Variants in BAHCC1 observed in about 807,000 individuals in gnomAD.
The protein encoded by BAHCC1 is BAH domain and coiled-coil containing 1, also known as BAH and coiled-coil domain-containing protein 1.
BAHCC1 carries 43 observed loss-of-function variants against 88.2 expected under a neutral mutation model. The ratio of observed to expected loss-of-function variants is 0.49; its 90% confidence interval spans 0.38 to 0.63. BAHCC1 has a LOEUF of 0.63. Ranked by LOEUF, BAHCC1 falls within the 20% of genes least tolerant of loss-of-function variation. The probability of loss-of-function intolerance (pLI) is 0.00; values close to 1 mark genes in which losing one functional copy is unlikely to be tolerated. For missense variants in BAHCC1, 3,023 were observed against 1,654.8 expected (o/e 1.83, Z -14.34); for synonymous variants, 1,510 against 745.5 (o/e 2.03, Z -16.71).
At chr17:81,416,570 CGT>C (rs36169187) in intron 2 of BAHCC1, among the ~76,000 whole-genome samples, 99,473 of 133,502 alleles carry the variant, frequency 0.75, 35,219 homozygotes, top group East Asian at 0.88. Flanking sequence ...GGTGTATGTG[CGT>C]GTGTGTGTGT....
chr17:81,444,978 C>T (rs1555653913), intron 8 of BAHCC1, 37 bp from the exon 9 acceptor site: 1 of 711,290 alleles, frequency 1.4e-6, no homozygotes, highest in Admixed American at 2.1e-5. Context: ...CTGTCCCCTC[C>T]CCAGCCAGGC....
rs2063776813 is a variant in BAHCC1 at position 81,399,116 on chromosome 17, GGTGTGC to G, written c.-206-412_-206-407del. 1.9e-5 allele frequency: 4 copies of G among 213,420 alleles called. No homozygotes were observed. The highest frequency in any genetic ancestry group is 3.9e-5 in the Non-Finnish European group (4 of 101,776). The allele number at this position is 213,420 out of a possible 1,614,324, so 13.2% of individuals were successfully genotyped here. A position where few individuals can be genotyped will look rare whatever the true frequency, so the allele number is the denominator to read the frequency against. On this transcript the variant is annotated intron_variant, in intron 1 of 27. Transcript: ENST00000675386. This position sits in a 1 kb window ranked among gnomAD's most constrained non-coding sequence, Gnocchi z 4.5. ...CTTTGGGCAGCGGGGGAGGGGAGAG[GGTGTGC>G]GTGTGAGTGTGTGTGTGTGTGTGTG... is the stretch of plus-strand genomic sequence containing the variant.
In BAHCC1 at chr17:81,434,495, C is replaced by A. The variant is rs902574964; in HGVS notation, c.359-3875C>A. Among the ~76,000 whole-genome samples the A allele has an allele frequency of 2.6e-5, 4 of 152,120 alleles. No individual in the cohort carries two copies. The East Asian group carries it at 7.7e-4, about 29-fold the overall frequency. On this transcript the variant is annotated intron_variant, in intron 3 of 27. Coordinates refer to ENST00000675386, the MANE Select transcript of BAHCC1 (RefSeq NM_001377448.1). This position sits in a 1 kb window ranked among gnomAD's most constrained non-coding sequence, Gnocchi z 4.9. Reference sequence around the variant, plus strand: ...GCTGGGGCAGGGCGCTCGAGGTGTGCTTCAGCACCCCCAGAAGTTTGCTGA... The same window carrying A: ...GCTGGGGCAGGGCGCTCGAGGTGTGATTCAGCACCCCCAGAAGTTTGCTGA...
chr17:81,432,544 A>ACCAGGCCCACCCTCCCTCCCATCG (rs2064273036), intron 3 of BAHCC1, among the ~76,000 whole-genome samples: 3 of 13,622 alleles, frequency 2.2e-4, no homozygotes, highest in African/African-American at 5.5e-4. Context: ...CCCACCCATC[A>ACCAGGCCCACCCTCCCTCCCATCG]CCAGGCCCAC....
Position 81,399,132 on chromosome 17 carries a change from T to TGTGTGTGTGA in BAHCC1, c.-206-393_-206-392insAGTGTGTGTG, listed in dbSNP as rs782251829. ...AGGGGAGAGGGTGTGCGTGTGAGTGTGTGTGTGTGTGTGTGTGTGTGCGAG... is the reference window on the plus strand; with the variant it reads ...AGGGGAGAGGGTGTGCGTGTGAGTGTGTGTGTGTGAGTGTGTGTGTGTGTGTGTGTGCGAG... On this transcript the variant is annotated intron_variant, in intron 1 of 27. Transcript: ENST00000675386. The surrounding 1 kb of genome is among the most constrained non-coding windows in gnomAD (Gnocchi z 4.5). 8.1e-6 allele frequency: 2 copies of TGTGTGTGTGA among 247,178 alleles called. No individual in the cohort carries two copies. Among genetic ancestry groups the TGTGTGTGTGA allele is most frequent in the Admixed American group, 7.7e-5 (2 of 26,052 alleles). 15.3% of individuals were successfully genotyped at this position (247,178 alleles called of 1,614,324 possible). A position where few individuals can be genotyped will look rare whatever the true frequency, so the allele number is the denominator to read the frequency against.
intron 2 of BAHCC1, chr17:81,400,765 G>A (rs1204096545): frequency 2.6e-5 from 4 of 154,154 alleles, no homozygotes; most frequent in Non-Finnish European, 5.9e-5. Flanking sequence ...TGCCCGAGAG[G>A]ATCAGTCCTT....
chr17:81,459,071 C>T lies in BAHCC1; in HGVS notation c.5623C>T (p.His1875Tyr). The T allele has an allele frequency of 1.3e-6, 1 of 767,238 alleles. No homozygotes were observed. Among genetic ancestry groups the T allele is most frequent in the Non-Finnish European group, 2.4e-6 (1 of 412,748 alleles). 47.5% of individuals were successfully genotyped at this position (767,238 alleles called of 1,614,324 possible). Residue 1875 changes from histidine to tyrosine, a missense_variant, in exon 21 of 28, where the codon CAC becomes TAC. By Grantham distance (83) the His-to-Tyr change is moderately conservative. Transcript: ENST00000675386. ...SAALARSCAIHKEDLRDGLPV... is the reference protein window; with the variant it reads ...SAALARSCAIYKEDLRDGLPV... ...GCCCACAGCGCGCTCGTGTGCCATC[C>T]ACAAGGAGGACCTGCGGGACGGGCT...
intron 1 of BAHCC1, among the ~76,000 whole-genome samples, chr17:81,397,672 C>T (rs1279014856): frequency 2.0e-5 from 3 of 152,136 alleles, no homozygotes; most frequent in Non-Finnish European, 4.4e-5. Flanking sequence ...GCGCTCGCAG[C>T]CCCCTCGCCA....
At chr17:81,417,060 G>A (rs2064041577) in intron 2 of BAHCC1, among the ~76,000 whole-genome samples, 1 of 152,166 alleles carries the variant, frequency 6.6e-6, no homozygotes, top group South Asian at 2.1e-4. Context: ...CGGTTGAGAG[G>A]CCGGAGTGTA....
intron 2 of BAHCC1, chr17:81,402,475 C>T (rs1331960151): frequency 3.9e-5 from 6 of 152,168 alleles, no homozygotes; most frequent in African/African-American, 1.2e-4. Flanking sequence ...TTTTTTGCGT[C>T]TTGTGTGCGG....
intron 2 of BAHCC1, among the ~76,000 whole-genome samples, chr17:81,409,261 T>A (rs2063918311): frequency 6.6e-6 from 1 of 152,210 alleles, no homozygotes; most frequent in Non-Finnish European, 1.5e-5. Flanking sequence ...GCGCTACACC[T>A]TAAAGGGTGT....
intron 14 of BAHCC1, among the ~76,000 whole-genome samples, chr17:81,453,624 G>A (rs1568030276): frequency 6.6e-6 from 1 of 152,072 alleles, no homozygotes; most frequent in African/African-American, 2.4e-5. Flanking sequence ...CCCTGCCCAG[G>A]TGTCTCCTGG....
chr17:81,454,362 G>A (rs951526669), intron 14 of BAHCC1, among the ~76,000 whole-genome samples: 8 of 152,206 alleles, frequency 5.3e-5, no homozygotes, highest in Non-Finnish European at 1.0e-4. Context: ...TCTGGGGCAT[G>A]GGGAATACTG....
intron 2 of BAHCC1, among the ~76,000 whole-genome samples, chr17:81,404,589 A>G (rs1555646574): frequency 6.6e-6 from 1 of 152,238 alleles, no homozygotes; most frequent in East Asian, 1.9e-4. Context: ...CCATCCAGGA[A>G]GGCAGAAAAA....
intron 2 of BAHCC1, among the ~76,000 whole-genome samples, chr17:81,417,590 C>T (rs903989655): frequency 9.7e-6 from 1 of 103,488 alleles, no homozygotes; most frequent in Admixed American, 1.4e-4. Context: ...GCTAAATTTA[C>T]CCTTTTAATA....
chr17:81,431,071 G>A (rs1410683436), intron 3 of BAHCC1, among the ~76,000 whole-genome samples: 4 of 143,538 alleles, frequency 2.8e-5, no homozygotes, highest in Non-Finnish European at 4.6e-5. Flanking sequence ...GGGTGGAGGG[G>A]ACAGCGTGGG....
At chr17:81,438,348 A>G (rs782518990) in intron 3 of BAHCC1, 22 bp from the exon 4 acceptor site, 2 of 778,066 alleles carry the variant, frequency 2.6e-6, no homozygotes, top group South Asian at 2.7e-5. Context: ...TGCCTCTGCA[A>G]CTGGGTCTCT....
chr17:81,411,691 T>C lies in BAHCC1; in HGVS notation c.178+11774T>C, dbSNP rs1374968851. 9.1e-6 allele frequency: 3 copies of C among 329,288 alleles called. No individual in the cohort carries two copies. Among genetic ancestry groups the C allele is most frequent in the Non-Finnish European group, 1.8e-5 (3 of 166,676 alleles). 20.4% of individuals were successfully genotyped at this position (329,288 alleles called of 1,614,324 possible). A position where few individuals can be genotyped will look rare whatever the true frequency, so the allele number is the denominator to read the frequency against. On this transcript the variant is annotated intron_variant, in intron 2 of 27. Transcript: ENST00000675386. This position sits in a 1 kb window ranked among gnomAD's most constrained non-coding sequence, Gnocchi z 6.2. The stretch of plus-strand genomic sequence containing the variant: ...CCTGAGGCCCTCCAGGCAGCTCCCC[T>C]TCCACTCTGCCCAGCCCACCCTGCC...
intron 2 of BAHCC1, among the ~76,000 whole-genome samples, chr17:81,405,209 A>G (rs920125826): frequency 2.6e-5 from 4 of 152,160 alleles, no homozygotes; most frequent in Non-Finnish European, 4.4e-5. Context: ...CTGGGATTAC[A>G]GGCATGTACC....
Sources: gnomAD v4.1 joint callset for allele counts (sites outside exome capture counted in the v4.1 genomes callset) on GRCh38, gnomAD v4.1.1 for gene constraint, Gnocchi (gnomAD v3.1) non-coding constraint, MANE v1.5 for transcripts, NCBI Gene and HGNC (gene_info 2026-07-23, HGNC 2026-07-21) for gene names.